The following OTOF variants were observed in gnomAD, a reference collection of about 807,000 sequenced individuals.
OTOF encodes the protein otoferlin.
Under a neutral mutation model 236.8 loss-of-function variants are expected in OTOF, and 218 were observed. That is an observed-to-expected ratio of 0.92 (90% CI 0.82 to 1.03). OTOF has a LOEUF of 1.03. Ranked by LOEUF, OTOF falls within the 50% of genes least tolerant of loss-of-function variation. The probability of loss-of-function intolerance (pLI) is 0.00; values close to 1 mark genes in which losing one functional copy is unlikely to be tolerated. For synonymous variants in OTOF, 1,041 were observed against 1,072.5 expected, an observed-to-expected ratio of 0.97 and a Z score of 0.57; for missense variants, 2,590 against 2,694.4, an observed-to-expected ratio of 0.96 and a Z score of 0.86.
At chr2:26,482,720 C>A in intron 13 of OTOF, 128 bp from the exon 14 acceptor site, 6 of 692,488 alleles carry the variant, frequency 8.7e-6, no homozygotes, top group Non-Finnish European at 1.4e-5. Context: ...GGTGTGCATG[C>A]GTGTGTGAGT....
intron 9 of OTOF, 131 bp downstream of exon 9, chr2:26,494,811 C>T (rs985025480): frequency 9.8e-7 from 1 of 1,021,494 alleles, no homozygotes; most frequent in East Asian, 2.4e-5. Context: ...GGGGTTGTAA[C>T]AGGGTGGATC....
chr2:26,503,676 C>G (rs1244133016), intron 6 of OTOF, 96 bp downstream of exon 6: 38 of 1,084,314 alleles, frequency 3.5e-5, no homozygotes, highest in Non-Finnish European at 5.3e-5. Flanking sequence ...ACGACCTATC[C>G]CAGGAGGGCC....
At chr2:26,555,827 G>A (rs537405500) in intron 1 of OTOF, among the ~76,000 whole-genome samples, 2 of 152,320 alleles carry the variant, frequency 1.3e-5, no homozygotes. Context: ...GGGAATGGCT[G>A]CCTCACAAAC....
Position 26,482,535 on chromosome 2 carries a change from A to G in OTOF, c.1450T>C (p.Phe484Leu). Residue 484 changes from phenylalanine to leucine, a missense_variant, in exon 14 of 47, where the codon TTT becomes CTT. Transcript: ENST00000272371. ...YEPLWNEQVVFTDLFPPLCKR... is the reference protein window; with the variant it reads ...YEPLWNEQVVLTDLFPPLCKR... ...CAGAGTGGGGGGAAGAGGTCTGTAA[A>G]GACGACCTGCTCATTCCACAGGGGC... 1.9e-6 allele frequency: 3 copies of G among 1,613,400 alleles called. No homozygotes were observed. The highest frequency in any genetic ancestry group is 2.5e-6 in the Non-Finnish European group (3 of 1,179,990).
intron 46 of OTOF, 82 bp from the exon 47 acceptor site, chr2:26,458,302 C>G (rs1045899801): frequency 1.8e-5 from 25 of 1,396,478 alleles, no homozygotes; most frequent in Middle Eastern, 2.2e-4. Context: ...CCTTCTGGAC[C>G]CCCAAAAGCC....
chr2:26,498,651 C>T (rs73920295), intron 8 of OTOF, among the ~76,000 whole-genome samples: 9,625 of 152,148 alleles, frequency 0.063, 1,035 homozygotes, highest in African/African-American at 0.22. Flanking sequence ...GGACATACTC[C>T]CCAGTGGCTT....
intron 3 of OTOF, among the ~76,000 whole-genome samples, chr2:26,522,807 G>C (rs1332071141): frequency 6.6e-6 from 1 of 152,174 alleles, no homozygotes; most frequent in Non-Finnish European, 1.5e-5. Flanking sequence ...GTTTCCCTGG[G>C]GCTGTCAGGC....
rs1275137043 is a variant in OTOF at position 26,465,874 on chromosome 2, G to T, written c.4629-32C>A. The T allele has an allele frequency of 4.3e-6, 7 of 1,614,112 alleles. No individual in the cohort carries two copies. The African/African-American group carries it at 6.7e-5, about 15-fold the overall frequency. On this transcript the variant is annotated intron_variant, in intron 37 of 46. Transcript: ENST00000272371. ...GGGTGGAGTTAGGAGAAGGGCTTAA[G>T]GATTGGCTAGGGTGGGAGGTGTTCT...
rs549789312 is a variant in OTOF at position 26,489,975 on chromosome 2, G to C, written c.898-235C>G. 4.5e-4 allele frequency among the ~76,000 whole-genome samples: 68 copies of C among 152,342 alleles called. 1 individual carries two copies. Among genetic ancestry groups the C allele is most frequent in the African/African-American group, 1.4e-3 (60 of 41,580 alleles). ...GGCTGGTGCTGGCTAGTGTGGGGTGGGAAAGGAACTTGGAACAGTAGGTGG... is the reference window on the plus strand; with the variant it reads ...GGCTGGTGCTGGCTAGTGTGGGGTGCGAAAGGAACTTGGAACAGTAGGTGG... On this transcript the variant is annotated intron_variant, in intron 9 of 46. Transcript: ENST00000272371.
rs373418979 is a variant in OTOF at position 26,473,426 on chromosome 2, G to A, written c.3550C>T (p.Leu1184Phe). ...NYKKNPNFNTLVKWFEVDLPE... is the reference protein window; with the variant it reads ...NYKKNPNFNTFVKWFEVDLPE... Reference sequence around the variant, plus strand: ...CTCACCACTTCAAACCACTTGACGAGGGTGTTGAAGTTGGGGTTCTTCTTA... The same window carrying A: ...CTCACCACTTCAAACCACTTGACGAAGGTGTTGAAGTTGGGGTTCTTCTTA... Residue 1184 changes from leucine (L) to phenylalanine (F), a missense_variant, in exon 28 of 47, where the codon CTC becomes TTC. This residue lies in a region of OTOF where 1,211 missense variants were observed against 1,352.8 expected (regional missense o/e 0.90). Transcript: ENST00000272371. The surrounding 1 kb of genome is among the most constrained non-coding windows in gnomAD (Gnocchi z 7.2). 7 of 1,613,360 alleles carry A rather than the reference G, an allele frequency of 4.3e-6. No homozygotes were observed. In the South Asian group the frequency reaches 6.6e-5, roughly 15 times the overall value.
chr2:26,472,696 G>A (rs752177035), intron 29 of OTOF, 47 bp from the exon 30 acceptor site: 11 of 1,603,178 alleles, frequency 6.9e-6, no homozygotes, highest in Middle Eastern at 1.7e-4. Flanking sequence ...AGGAGCAAGA[G>A]GAACAGTGAG....
chr2:26,502,220 C>A (rs1196630040), intron 7 of OTOF, 80 bp downstream of exon 7: 39 of 1,512,180 alleles, frequency 2.6e-5, no homozygotes, highest in Non-Finnish European at 3.5e-5. Context: ...TTCTTCCCTA[C>A]CCAAATTCCA....
At position 26,558,517 on chromosome 2, in the gene OTOF, G is replaced by C; in HGVS notation, c.55C>G (p.Arg19Gly). The change falls in exon 1 of 47, where the codon CGG becomes GGG. Residue 19 changes from arginine (R) to glycine (G), a missense_variant. Around this residue, in one of 2 missense-constraint regions of OTOF, gnomAD observed 1,379 missense variants for 1,341.6 expected, o/e 1.03. Coordinates refer to ENST00000272371, the MANE Select transcript of OTOF (RefSeq NM_194248.3). ...TVSELRGRGD[R>G]IAKVTFRGQS... ...CCTCGGAAAGTCACTTTGGCGATCC[G>C]GTCGCCCCTGCCCCGCAGCTCCGAG... 1 of 1,613,898 alleles carries C rather than the reference G, an allele frequency of 6.2e-7. No homozygotes were observed. Among genetic ancestry groups the C allele is most frequent in the Non-Finnish European group, 8.5e-7 (1 of 1,179,896 alleles).
Position 26,502,282 on chromosome 2 carries a change from G to A in OTOF, c.710+18C>T, listed in dbSNP as rs368274322. The A allele has an allele frequency of 1.5e-5, 24 of 1,613,834 alleles. No individual in the cohort carries two copies. In the African/African-American group the frequency reaches 1.9e-4, roughly 13 times the overall value. ...CAGGGTGGGGGCAGCTGGGGTTGCA[G>A]GGCTCCCGTCCACTCACCGCTTGTT... On this transcript the variant is annotated intron_variant, in intron 7 of 46. Coordinates refer to ENST00000272371, the MANE Select transcript of OTOF (RefSeq NM_194248.3).
intron 3 of OTOF, 148 bp downstream of exon 3, chr2:26,527,684 C>T: frequency 4.2e-6 from 3 of 714,188 alleles, no homozygotes; most frequent in East Asian, 5.3e-5. Flanking sequence ...AAGACCAGCC[C>T]AAGATTTCTT....
rs1254162915 is a variant in OTOF, at chr2:26,462,409, A to C, written c.5193-228T>G. Reference sequence around the variant, plus strand: ...GCGGTGGGGGTGGGGTGAGGGGAGGAAGCCACCCTCTGTCTCAGATGCTAG... The same window carrying C: ...GCGGTGGGGGTGGGGTGAGGGGAGGCAGCCACCCTCTGTCTCAGATGCTAG... On this transcript the variant is annotated intron_variant, in intron 41 of 46. Transcript: ENST00000272371. The surrounding 1 kb of genome is among the most constrained non-coding windows in gnomAD (Gnocchi z 4.7). 6.6e-6 allele frequency among the ~76,000 whole-genome samples: 1 copy of C among 152,004 alleles called. No individual in the cohort carries two copies. Among genetic ancestry groups the C allele is most frequent in the East Asian group, 1.9e-4 (1 of 5,186 alleles).
At position 26,465,024 on chromosome 2, in the gene OTOF, C is replaced by T; in HGVS notation, c.4805G>A (p.Gly1602Asp). The T allele has an allele frequency of 6.8e-7, 1 of 1,474,122 alleles. No homozygotes were observed. Among genetic ancestry groups the T allele is most frequent in the Non-Finnish European group, 9.0e-7 (1 of 1,105,508 alleles). 91.3% of individuals were successfully genotyped at this position (1,474,122 alleles called of 1,614,324 possible). Reference sequence around the variant, plus strand: ...CATGGGGTCCCGCCAGATATTGTAGCCATGTCTGTGGGAGGGGACACACAG... The same window carrying T: ...CATGGGGTCCCGCCAGATATTGTAGTCATGTCTGTGGGAGGGGACACACAG... ...CGIAQTYSTH[G>D]YNIWRDPMKP... is the part of the protein sequence containing the mutation. Residue 1602 changes from glycine to aspartate, a missense_variant, in exon 39 of 47, where the codon GGC (glycine) becomes GAC (aspartate). By Grantham distance (94) the Gly-to-Asp change is moderately conservative. Coordinates refer to ENST00000272371, the MANE Select transcript of OTOF (RefSeq NM_194248.3).
At chr2:26,545,881 A>G (rs1667318360) in intron 1 of OTOF, among the ~76,000 whole-genome samples, 1 of 152,188 alleles carries the variant, frequency 6.6e-6, no homozygotes, top group Admixed American at 6.5e-5. Context: ...TCTTAGACCA[A>G]TGCCACACTT....
intron 14 of OTOF, among the ~76,000 whole-genome samples, chr2:26,481,542 T>C (rs1665541309): frequency 6.6e-6 from 1 of 152,256 alleles, no homozygotes; most frequent in South Asian, 2.1e-4. Flanking sequence ...CCAGTTTTTT[T>C]GGTTCATTTC....
Sources: allele counts gnomAD v4.1 joint callset (sites outside exome capture counted in the v4.1 genomes callset), GRCh38; gene constraint gnomAD v4.1.1; regional missense constraint gnomAD v4.1.1; non-coding constraint Gnocchi (gnomAD v3.1); transcripts MANE v1.5; gene names NCBI Gene and HGNC (gene_info 2026-07-23, HGNC 2026-07-21).